AKAP6: variants seen among roughly 807,000 people sequenced by gnomAD.
AKAP6 encodes the protein A-kinase anchoring protein 6.
AKAP6 carries 58 observed loss-of-function variants against 188.5 expected under a neutral mutation model. The observed-to-expected ratio is 0.31, with a 90% CI of 0.25 to 0.38. The LOEUF (loss-of-function observed/expected upper bound fraction) is 0.38, where lower values mean the gene tolerates loss of function less well. Among genes scored for constraint, AKAP6 ranks in the 10% least tolerant of loss-of-function variants. AKAP6 has a pLI of 1.00. For synonymous variants in AKAP6, 989 were observed against 998.6 expected (o/e 0.99, Z 0.18); for missense variants, 2,710 against 2,740.0 (o/e 0.99, Z 0.24).
Position 32,837,485 on chromosome 14 carries a change from A to G in AKAP6, c.*7680A>G, listed in dbSNP as rs2034886619. 1 of 152,216 alleles carries G rather than the reference A, an allele frequency of 6.6e-6. No homozygotes were observed. Among genetic ancestry groups the G allele is most frequent in the Non-Finnish European group, 1.5e-5 (1 of 68,044 alleles). The allele number at this position is 152,216 out of a possible 1,614,324, so 9.4% of individuals were successfully genotyped here. ...ATATTCCCTAACCACTGGTTTATAA[A>G]AAATACTCTAAGGTTTATAGAATTA... On this transcript the variant is annotated 3_prime_UTR_variant, in exon 14 of 14. Coordinates refer to ENST00000280979, the MANE Select transcript of AKAP6 (RefSeq NM_004274.5).
At chr14:32,651,411 G>C (rs983435204) in intron 7 of AKAP6, among the ~76,000 whole-genome samples, 7 of 152,092 alleles carry the variant, frequency 4.6e-5, no homozygotes, top group African/African-American at 1.7e-4. Flanking sequence ...TGCTATGTAG[G>C]GTTGTATTCA....
chr14:32,796,982 A>G (rs1310164354), intron 12 of AKAP6, among the ~76,000 whole-genome samples: 2 of 151,604 alleles, frequency 1.3e-5, no homozygotes, highest in Non-Finnish European at 3.0e-5. Flanking sequence ...AAGTGAGCAA[A>G]GGACTCTTCT....
chr14:32,836,001 G>A lies in AKAP6; in HGVS notation c.*6196G>A, dbSNP rs1318216214. 3 of 152,260 alleles carry A rather than the reference G, an allele frequency of 2.0e-5. No individual in the cohort carries two copies. Among genetic ancestry groups the A allele is most frequent in the Non-Finnish European group, 4.4e-5 (3 of 68,048 alleles). The allele number at this position is 152,260 out of a possible 1,614,324, so 9.4% of individuals were successfully genotyped here. A position where few individuals can be genotyped will look rare whatever the true frequency, so the allele number is the denominator to read the frequency against. ...AAAGGCATTTTGGCCAATGCCGTAAGACCATTCTGGCCCTTGATTAATGGG... is the reference window on the plus strand; with the variant it reads ...AAAGGCATTTTGGCCAATGCCGTAAAACCATTCTGGCCCTTGATTAATGGG... On this transcript the variant is annotated 3_prime_UTR_variant, in exon 14 of 14. Transcript: ENST00000280979.
chr14:32,683,772 T>A (rs1282532741), intron 8 of AKAP6, among the ~76,000 whole-genome samples: 2 of 152,148 alleles, frequency 1.3e-5, no homozygotes, highest in Non-Finnish European at 2.9e-5. Flanking sequence ...AGATTGGTAG[T>A]TTGCAACAAT....
At chr14:32,600,813 C>A in intron 7 of AKAP6, 21 bp downstream of exon 7, 1 of 1,566,856 alleles carries the variant, frequency 6.4e-7, no homozygotes, top group Non-Finnish European at 8.6e-7. Context: ...TGAAGTTTGC[C>A]TTATTTCCTC....
At chr14:32,453,574 T>C (rs1891006960) in intron 2 of AKAP6, among the ~76,000 whole-genome samples, 1 of 103,526 alleles carries the variant, frequency 9.7e-6, no homozygotes, top group Non-Finnish European at 1.7e-5. Context: ...ATTTTTCTTT[T>C]CTTTTTTTTT....
intron 7 of AKAP6, among the ~76,000 whole-genome samples, chr14:32,608,695 A>G (rs900314067): frequency 2.6e-5 from 4 of 152,154 alleles, no homozygotes; most frequent in African/African-American, 9.7e-5. Context: ...AAGAATGCCT[A>G]ATCTCTGAAT....
chr14:32,783,231 A>C (rs1030387248), intron 12 of AKAP6, among the ~76,000 whole-genome samples: 1 of 152,168 alleles, frequency 6.6e-6, no homozygotes, highest in African/African-American at 2.4e-5. Flanking sequence ...TGATCCGTAT[A>C]ATGTGCCATA....
chr14:32,828,923 T>A (rs2034752424), intron 13 of AKAP6, among the ~76,000 whole-genome samples: 1 of 152,196 alleles, frequency 6.6e-6, no homozygotes, highest in African/African-American at 2.4e-5. Context: ...GCTCTTAAGT[T>A]GAAAGATTGT....
At chr14:32,716,184 A>G (rs1446649878) in intron 9 of AKAP6, among the ~76,000 whole-genome samples, 1 of 151,952 alleles carries the variant, frequency 6.6e-6, no homozygotes, top group African/African-American at 2.4e-5. Context: ...ATTGATTTAC[A>G]AATTAAAATG....
At chr14:32,443,019 A>C (rs1028572926) in intron 2 of AKAP6, among the ~76,000 whole-genome samples, 5 of 130,058 alleles carry the variant, frequency 3.8e-5, no homozygotes, top group African/African-American at 1.6e-4. Context: ...TAACAAATCA[A>C]TTGATTTCAA....
At chr14:32,745,787 AAGAGGTGCCTTCC>A (rs903152343) in intron 11 of AKAP6, among the ~76,000 whole-genome samples, 2 of 152,202 alleles carry the variant, frequency 1.3e-5, no homozygotes, top group African/African-American at 4.8e-5. Context: ...TGTTGGGTCC[AAGAGGTGCCTTCC>A]AGGAGTCAGG....
In AKAP6 at chr14:32,433,819, TA is replaced by T; in HGVS notation, c.324+4del. On this transcript the variant is annotated splice_donor_region_variant and intron_variant, in intron 2 of 13. Coordinates refer to ENST00000280979, the MANE Select transcript of AKAP6 (RefSeq NM_004274.5). ...GATGTACATCTAGTTCAACTAAAGGTAAGGCAAGGTCTGTGATCCTCTCAGG... is the reference window on the plus strand; with the variant it reads ...GATGTACATCTAGTTCAACTAAAGGTAGGCAAGGTCTGTGATCCTCTCAGG... 1 of 1,611,120 alleles carries T rather than the reference TA, an allele frequency of 6.2e-7. No homozygotes were observed.
chr14:32,526,052 T>C (rs940766153), intron 2 of AKAP6, among the ~76,000 whole-genome samples: 1 of 152,122 alleles, frequency 6.6e-6, no homozygotes, highest in Non-Finnish European at 1.5e-5. Context: ...CGCTCCATTA[T>C]GGTCATTCTT....
chr14:32,535,137 AG>A (rs1397689752), intron 2 of AKAP6, among the ~76,000 whole-genome samples: 1 of 152,168 alleles, frequency 6.6e-6, no homozygotes, highest in Non-Finnish European at 1.5e-5. Context: ...CTTTCTTCAA[AG>A]GTGTCTAGGT....
At position 32,732,352 on chromosome 14, in the gene AKAP6, CA is replaced by C. The variant is rs1353009165; in HGVS notation, c.3001-97del. 108 of 1,370,604 alleles carry C rather than the reference CA, an allele frequency of 7.9e-5. No homozygotes were observed. The East Asian group carries it at 2.5e-3, about 31-fold the overall frequency. 84.9% of individuals were successfully genotyped at this position (1,370,604 alleles called of 1,614,324 possible). A position where few individuals can be genotyped will look rare whatever the true frequency, so the allele number is the denominator to read the frequency against. Reference sequence around the variant, plus strand: ...GCCTCCCCATAAATTTTATTGGGAACAAAAACTTTTAATGCTCGTAAGCATC... The same window carrying C: ...GCCTCCCCATAAATTTTATTGGGAACAAAACTTTTAATGCTCGTAAGCATC... On this transcript the variant is annotated intron_variant, in intron 9 of 13. Transcript: ENST00000280979.
chr14:32,467,767 C>T (rs1878545447), intron 2 of AKAP6, among the ~76,000 whole-genome samples: 1 of 152,118 alleles, frequency 6.6e-6, no homozygotes, highest in African/African-American at 2.4e-5. Context: ...GTAATTCCTG[C>T]AATATCACAC....
intron 2 of AKAP6, among the ~76,000 whole-genome samples, chr14:32,457,640 G>A (rs1891188576): frequency 6.6e-6 from 1 of 152,172 alleles, no homozygotes. Context: ...CTCCCTGTGT[G>A]CTGCTGGCGC....
At chr14:32,535,315 A>C (rs954544452) in intron 2 of AKAP6, among the ~76,000 whole-genome samples, 2 of 152,206 alleles carry the variant, frequency 1.3e-5, no homozygotes, top group African/African-American at 4.8e-5. Flanking sequence ...CATCTGATGG[A>C]ATAGTAGGAT....
Sources: gnomAD v4.1 joint callset for allele counts (sites outside exome capture counted in the v4.1 genomes callset) on GRCh38, gnomAD v4.1.1 for gene constraint, MANE v1.5 for transcripts, NCBI Gene and HGNC (gene_info 2026-07-23, HGNC 2026-07-21) for gene names.